Variants in DSCAML1 observed in about 807,000 individuals in gnomAD.
DSCAML1 encodes the protein DS cell adhesion molecule like 1, also known as cell adhesion molecule DSCAML1.
Under a neutral mutation model 200.5 loss-of-function variants are expected in DSCAML1, and 38 were observed. The ratio of observed to expected loss-of-function variants is 0.19; its 90% CI spans 0.15 to 0.25. The LOEUF (loss-of-function observed/expected upper bound fraction) is 0.25, where lower values mean the gene tolerates loss of function less well. DSCAML1 is among the 10% of genes least tolerant of loss of function. DSCAML1 has a pLI of 1.00. For synonymous variants in DSCAML1, 1,215 were observed against 1,165.0 expected, an observed-to-expected ratio of 1.04 and a Z score of -0.87; for missense variants, 2,223 against 2,858.8, an observed-to-expected ratio of 0.78 and a Z score of 5.07.
intron 1 of DSCAML1, among the ~76,000 whole-genome samples, chr11:117,803,564 G>C (rs1179714020): frequency 6.6e-6 from 1 of 151,772 alleles, no homozygotes; most frequent in Admixed American, 6.6e-5. Flanking sequence ...TCATAATTGT[G>C]TATTGTTTTC....
intron 3 of DSCAML1, among the ~76,000 whole-genome samples, chr11:117,753,343 A>G (rs2015482): frequency 0.86 from 131,328 of 152,160 alleles, 57,827 homozygotes; most frequent in Non-Finnish European, 0.95. Context: ...GTGGTCCCGC[A>G]TTCTTCTCCT....
chr11:117,460,596 C>T (rs2048460337), intron 18 of DSCAML1, among the ~76,000 whole-genome samples: 1 of 152,128 alleles, frequency 6.6e-6, no homozygotes, highest in Non-Finnish European at 1.5e-5. Flanking sequence ...GTGTGAGCTA[C>T]AAGTCTCCAG....
chr11:117,518,814 T>TC lies in DSCAML1; in HGVS notation c.1214-53dup. 6.5e-7 allele frequency: 1 copy of TC among 1,546,082 alleles called. No homozygotes were observed. Among genetic ancestry groups the TC allele is most frequent in the Non-Finnish European group, 8.7e-7 (1 of 1,153,462 alleles). On this transcript the variant is annotated intron_variant, in intron 6 of 32. Coordinates refer to ENST00000651296, the MANE Select transcript of DSCAML1 (RefSeq NM_020693.4). The surrounding 1 kb of genome is among the most constrained non-coding windows in gnomAD (Gnocchi z 6.3). ...GGGTCACCAAGCCATGGAGAGACGGTCCCCCCAGCCACCCCACCTCAGCAG... is the reference window on the plus strand; with the variant it reads ...GGGTCACCAAGCCATGGAGAGACGGTCCCCCCCAGCCACCCCACCTCAGCAG...
intron 3 of DSCAML1, among the ~76,000 whole-genome samples, chr11:117,559,355 G>C (rs546209894): frequency 6.6e-6 from 1 of 152,084 alleles, no homozygotes; most frequent in Non-Finnish European, 1.5e-5. Context: ...CACTGACCCC[G>C]AGTTTTTAGA....
At chr11:117,705,617 G>A (rs751486333) in intron 3 of DSCAML1, among the ~76,000 whole-genome samples, 5 of 152,136 alleles carry the variant, frequency 3.3e-5, no homozygotes, top group African/African-American at 1.2e-4. Flanking sequence ...AGACCAGTAC[G>A]GGTCTCTGTC....
upstream of DSCAML1, chr11:117,801,550 G>A (rs1346110416): frequency 1.3e-5 from 2 of 152,152 alleles, no homozygotes; most frequent in African/African-American, 2.4e-5. Flanking sequence ...GAGATGAGAT[G>A]AATCAGTACA....
Position 117,469,956 on chromosome 11 carries a change from A to G in DSCAML1, c.2978T>C (p.Val993Ala). The G allele has an allele frequency of 1.2e-6, 2 of 1,607,438 alleles. No individual in the cohort carries two copies. Among genetic ancestry groups the G allele is most frequent in the South Asian group, 1.1e-5 (1 of 89,912 alleles). The change falls in exon 16 of 33, where the codon GTT becomes GCT. Residue 993 changes from valine (V) to alanine (A), a missense_variant. Transcript: ENST00000651296. The surrounding 1 kb of genome is among the most constrained non-coding windows in gnomAD (Gnocchi z 4.1). ...EAAPDGPPMDVTLQPVTSQSI... is the reference protein window; with the variant it reads ...EAAPDGPPMDATLQPVTSQSI... ...CTGTGAGGTCACTGGCTGCAAGGTA[A>G]CATCCATGGGGGGCCCATCGGGAGC...
At chr11:117,666,454 T>G (rs1447841312) in intron 3 of DSCAML1, among the ~76,000 whole-genome samples, 1 of 152,192 alleles carries the variant, frequency 6.6e-6, no homozygotes, top group Non-Finnish European at 1.5e-5. Context: ...GTTCTTGTCT[T>G]ATCCCTGGTT....
chr11:117,799,353 G>A (rs555485205), upstream of DSCAML1, among the ~76,000 whole-genome samples: 88 of 152,306 alleles, frequency 5.8e-4, 1 homozygote, highest in Middle Eastern at 0.01. Flanking sequence ...CTGGGGTAGC[G>A]GCACAGCTGC....
chr11:117,429,939 G>A (rs2047751288), intron 32 of DSCAML1, among the ~76,000 whole-genome samples: 2 of 152,182 alleles, frequency 1.3e-5, no homozygotes, highest in Admixed American at 6.5e-5. Context: ...AAGGGGTGGG[G>A]GTGTCATTCA....
At chr11:117,803,266 G>T (rs1488129944) in intron 1 of DSCAML1, among the ~76,000 whole-genome samples, 1 of 152,140 alleles carries the variant, frequency 6.6e-6, no homozygotes, top group African/African-American at 2.4e-5. Flanking sequence ...TGCACCAGGG[G>T]TGTGTGTGTA....
At chr11:117,635,469 TGTGTGC>T (rs1422413867) in intron 3 of DSCAML1, among the ~76,000 whole-genome samples, 2 of 151,264 alleles carry the variant, frequency 1.3e-5, no homozygotes, top group Non-Finnish European at 2.9e-5. Context: ...TGTGTGTGTG[TGTGTGC>T]GTGTGTGTTT....
intron 3 of DSCAML1, among the ~76,000 whole-genome samples, chr11:117,687,448 T>TTTTTTTTTTTTG (rs1555198843): frequency 1.3e-5 from 2 of 148,632 alleles, no homozygotes; most frequent in Non-Finnish European, 3.0e-5. Flanking sequence ...TTTTTTTTTT[T>TTTTTTTTTTTTG]AGAGATGGGG....
intron 20 of DSCAML1, 53 bp from the exon 21 acceptor site, chr11:117,444,092 G>A (rs530177651): frequency 1.5e-5 from 24 of 1,554,932 alleles, no homozygotes; most frequent in Non-Finnish European, 1.8e-5. Flanking sequence ...GCCCTCCAGC[G>A]TCCAAATCTT....
At chr11:117,696,264 C>T (rs968691566) in intron 3 of DSCAML1, among the ~76,000 whole-genome samples, 14 of 152,146 alleles carry the variant, frequency 9.2e-5, no homozygotes, top group African/African-American at 3.4e-4. Flanking sequence ...GAGCTGGTTC[C>T]CCCCTGGGGG....
chr11:117,470,723 C>CA (rs2048669396), intron 15 of DSCAML1, among the ~76,000 whole-genome samples: 1 of 152,146 alleles, frequency 6.6e-6, no homozygotes, highest in African/African-American at 2.4e-5. Flanking sequence ...AAGCTACAAA[C>CA]AATCTAAATG....
intron 5 of DSCAML1, 96 bp from the exon 6 acceptor site, chr11:117,521,501 G>A: frequency 1.5e-6 from 2 of 1,332,652 alleles, no homozygotes; most frequent in Non-Finnish European, 2.0e-6. Flanking sequence ...GGTAGTTAGG[G>A]GTCACAAAAG....
Position 117,516,362 on chromosome 11 carries a change from G to C in DSCAML1, c.1783+105C>G. The C allele has an allele frequency of 1.4e-6, 2 of 1,422,942 alleles. No individual in the cohort carries two copies. The highest frequency in any genetic ancestry group is 9.5e-7 in the Non-Finnish European group (1 of 1,054,502). The allele number at this position is 1,422,942 out of a possible 1,614,324, so 88.1% of individuals were successfully genotyped here. ...TGGGGCCTCTCTTGCTCAGCCTTCC[G>C]TTCACCCAGGATTGCCTATTGTTGT... is the stretch of plus-strand genomic sequence containing the variant. On this transcript the variant is annotated intron_variant, in intron 8 of 32. Coordinates refer to ENST00000651296, the MANE Select transcript of DSCAML1 (RefSeq NM_020693.4). The surrounding 1 kb of genome is among the most constrained non-coding windows in gnomAD (Gnocchi z 5.7).
chr11:117,453,124 G>A (rs1224256689), intron 19 of DSCAML1, among the ~76,000 whole-genome samples: 1 of 151,998 alleles, frequency 6.6e-6, no homozygotes, highest in East Asian at 1.9e-4. Context: ...TAGTAGAGAC[G>A]GGGTTTCACC....
Sources: allele counts gnomAD v4.1 joint callset (sites outside exome capture counted in the v4.1 genomes callset), GRCh38; gene constraint gnomAD v4.1.1; non-coding constraint Gnocchi (gnomAD v3.1); transcripts MANE v1.5; gene names NCBI Gene and HGNC (gene_info 2026-07-23, HGNC 2026-07-21).